Variants in SLC49A4 observed in about 807,000 individuals in gnomAD.
SLC49A4 encodes solute carrier family 49 member 4.
Under a neutral mutation model 50.6 loss-of-function variants are expected in SLC49A4, and 36 were observed. The observed-to-expected ratio is 0.71, with a 90% CI of 0.55 to 0.94. The LOEUF (loss-of-function observed/expected upper bound fraction) is 0.94. SLC49A4 is among the 40% of genes least tolerant of loss of function. The pLI, the probability that SLC49A4 is intolerant of heterozygous loss-of-function variation, is 0.00. For missense variants in SLC49A4, 503 were observed against 605.7 expected, an observed-to-expected ratio of 0.83 and a Z score of 1.78; for synonymous variants, 248 against 241.2, an observed-to-expected ratio of 1.03 and a Z score of -0.26.
chr3:122,808,975 A>T (rs1936261149), intron 2 of SLC49A4, among the ~76,000 whole-genome samples: 1 of 152,170 alleles, frequency 6.6e-6, no homozygotes, highest in Non-Finnish European at 1.5e-5. Context: ...GATGGCACAG[A>T]CATGAGGGGA....
intron 7 of SLC49A4, among the ~76,000 whole-genome samples, chr3:122,867,757 G>A (rs1255642167): frequency 7.2e-5 from 11 of 152,172 alleles, no homozygotes; most frequent in Non-Finnish European, 1.0e-4. Context: ...CAAGACAGGC[G>A]GATCACGAGG....
intron 7 of SLC49A4, among the ~76,000 whole-genome samples, chr3:122,865,413 C>CA (rs1937105134): frequency 6.6e-6 from 1 of 152,196 alleles, no homozygotes; most frequent in Non-Finnish European, 1.5e-5. Context: ...ACCACAGTTG[C>CA]ATATACTGCG....
chr3:122,834,235 C>T (rs1167425469), intron 4 of SLC49A4, among the ~76,000 whole-genome samples: 1 of 152,132 alleles, frequency 6.6e-6, no homozygotes, highest in Non-Finnish European at 1.5e-5. Flanking sequence ...GGTCAAGAAG[C>T]AGTATCTATG....
At chr3:122,845,167 C>A (rs1936830702) in intron 4 of SLC49A4, among the ~76,000 whole-genome samples, 1 of 152,048 alleles carries the variant, frequency 6.6e-6, no homozygotes, top group African/African-American at 2.4e-5. Context: ...TTCTTTGTGT[C>A]CATATGTACT....
chr3:122,829,607 G>A (rs1328700377), intron 3 of SLC49A4, among the ~76,000 whole-genome samples: 2 of 152,098 alleles, frequency 1.3e-5, no homozygotes, highest in Non-Finnish European at 2.9e-5. Context: ...AAAAATGGCC[G>A]GACATGATGG....
intron 2 of SLC49A4, among the ~76,000 whole-genome samples, chr3:122,824,550 G>GCTTCTCTTCT (rs754358705): frequency 2.0e-5 from 3 of 151,798 alleles, no homozygotes; most frequent in Non-Finnish European, 4.4e-5. Context: ...GCTTCACTTT[G>GCTTCTCTTCT]CTTCTCTTCT....
At chr3:122,833,785 A>G (rs1293771980) in intron 4 of SLC49A4, among the ~76,000 whole-genome samples, 2 of 152,064 alleles carry the variant, frequency 1.3e-5, no homozygotes, top group East Asian at 1.9e-4. Flanking sequence ...CATGAATTCT[A>G]TGTGTTATAC....
At chr3:122,875,061 GATT>G (rs1250156400) in intron 8 of SLC49A4, among the ~76,000 whole-genome samples, 1 of 152,132 alleles carries the variant, frequency 6.6e-6, no homozygotes, top group Non-Finnish European at 1.5e-5. Context: ...TTTTTAGTAG[GATT>G]AATTGATCTT....
intron 1 of SLC49A4, among the ~76,000 whole-genome samples, chr3:122,801,972 T>C (rs1041764659): frequency 1.3e-5 from 2 of 152,134 alleles, no homozygotes; most frequent in African/African-American, 4.8e-5. Flanking sequence ...GGATTTATCC[T>C]TCTGTCTTAA....
At chr3:122,847,409 G>A (rs1041036104) in intron 5 of SLC49A4, among the ~76,000 whole-genome samples, 24 of 149,288 alleles carry the variant, frequency 1.6e-4, no homozygotes, top group African/African-American at 3.5e-4. Context: ...GTGCAGTGGC[G>A]CGATCTCAGC....
intron 7 of SLC49A4, among the ~76,000 whole-genome samples, chr3:122,867,815 A>G (rs867104306): frequency 6.6e-6 from 1 of 151,354 alleles, no homozygotes; most frequent in Non-Finnish European, 1.5e-5. Context: ...CCCTGTCTCT[A>G]GTAAGAATAC....
At chr3:122,811,709 A>G (rs1362889516) in intron 2 of SLC49A4, among the ~76,000 whole-genome samples, 1 of 152,360 alleles carries the variant, frequency 6.6e-6, no homozygotes, top group Non-Finnish European at 1.5e-5. Context: ...ATATCATGGA[A>G]TCATATTGCA....
chr3:122,872,543 TTAAGTAA>T lies in SLC49A4; in HGVS notation c.1270_1276del (p.Ser424CysfsTer103), dbSNP rs1312415014. 2 of 1,609,648 alleles carry T rather than the reference TTAAGTAA, an allele frequency of 1.2e-6. No individual in the cohort carries two copies. Among genetic ancestry groups the T allele is most frequent in the Non-Finnish European group, 1.7e-6 (2 of 1,176,154 alleles). Reference sequence around the variant, plus strand: ...AATTACTTGTGGAGTTGTCACTTTTTTAAGTAATATGTTTATGGGAGTACTTTTATTT... The same window carrying T: ...AATTACTTGTGGAGTTGTCACTTTTTTATGTTTATGGGAGTACTTTTATTT... On this transcript the variant is annotated frameshift_variant, in exon 8 of 9. Coordinates refer to ENST00000261038, the MANE Select transcript of SLC49A4 (RefSeq NM_032839.3). LOFTEE classifies it high-confidence loss of function.
chr3:122,838,198 G>A (rs974170929), intron 4 of SLC49A4, among the ~76,000 whole-genome samples: 8 of 152,006 alleles, frequency 5.3e-5, no homozygotes, highest in Non-Finnish European at 7.4e-5. Context: ...CCCAGCCATC[G>A]CATTACTGGG....
At chr3:122,821,912 A>G (rs1936459399) in intron 2 of SLC49A4, among the ~76,000 whole-genome samples, 1 of 152,220 alleles carries the variant, frequency 6.6e-6, no homozygotes, top group African/African-American at 2.4e-5. Flanking sequence ...AAATTTATCA[A>G]TAGAACTGAT....
At chr3:122,834,170 C>G (rs1252669385) in intron 4 of SLC49A4, among the ~76,000 whole-genome samples, 1 of 152,138 alleles carries the variant, frequency 6.6e-6, no homozygotes. Flanking sequence ...ACAACTCTCT[C>G]TAAATTGGTT....
At chr3:122,827,263 T>A (rs1576297992) in intron 3 of SLC49A4, among the ~76,000 whole-genome samples, 198 bp downstream of exon 3, 1 of 152,322 alleles carries the variant, frequency 6.6e-6, no homozygotes, top group East Asian at 1.9e-4. Flanking sequence ...GGAAGTTAAG[T>A]TTTAAATTTA....
intron 2 of SLC49A4, among the ~76,000 whole-genome samples, chr3:122,818,908 A>G (rs1576295013): frequency 6.6e-6 from 1 of 151,638 alleles, no homozygotes; most frequent in Admixed American, 6.6e-5. Context: ...ACACCACTGC[A>G]CTCCAGCCTG....
chr3:122,809,497 G>A (rs1166811850), intron 2 of SLC49A4, among the ~76,000 whole-genome samples: 5 of 152,194 alleles, frequency 3.3e-5, no homozygotes, highest in African/African-American at 1.2e-4. Context: ...TGAGACAGGT[G>A]GATCTCTTGT....
Sources: gnomAD v4.1 joint callset for allele counts (sites outside exome capture counted in the v4.1 genomes callset) on GRCh38, gnomAD v4.1.1 for gene constraint, MANE v1.5 for transcripts, NCBI Gene and HGNC (gene_info 2026-07-23, HGNC 2026-07-21) for gene names.